The following HDAC4 variants were observed in gnomAD, a reference collection of about 807,000 sequenced individuals.
HDAC4 encodes the protein histone deacetylase 4.
A neutral mutation model predicts 135.1 loss-of-function variants in HDAC4; 16 were observed. The observed-to-expected ratio is 0.12, with a 90% CI of 0.08 to 0.18. The LOEUF is 0.18. Among genes scored for constraint, HDAC4 ranks in the 10% least tolerant of loss-of-function variants. HDAC4 has a pLI of 1.00. For synonymous variants in HDAC4, 685 were observed against 653.4 expected (o/e 1.05, Z -0.74); for missense variants, 1,143 against 1,511.8 (o/e 0.76, Z 4.05).
At chr2:239,096,666 C>A (rs1431956872) in intron 16 of HDAC4, among the ~76,000 whole-genome samples, 2 of 75,938 alleles carry the variant, frequency 2.6e-5, no homozygotes, top group Non-Finnish European at 5.1e-5. Flanking sequence ...GATGCCCACC[C>A]CCCCCATGGA....
Position 239,102,878 on chromosome 2 carries a change from C to A in HDAC4, c.2131G>T (p.Ala711Ser), listed in dbSNP as rs1173079707. 6.2e-7 allele frequency: 1 copy of A among 1,613,934 alleles called. No individual in the cohort carries two copies. Among genetic ancestry groups the A allele is most frequent in the Non-Finnish European group, 8.5e-7 (1 of 1,180,018 alleles). ...ACCGTCTGTAGCTCCTCCAGGGTGG[C>A]CTTGCGTCCGCGGATGCACTGTGGG... The part of the protein sequence containing the change: ...GKCECIRGRK[A>S]TLEELQTVHS... Residue 711 changes from alanine (A) to serine (S), a missense_variant, in exon 16 of 27, where the codon GCC becomes TCC. Physicochemically the swap from Ala to Ser is moderately conservative, Grantham distance 99. This residue lies in a region of HDAC4 where 47 missense variants were observed against 117.2 expected (regional missense o/e 0.40). Transcript: ENST00000543185.
chr2:239,070,620 A>G (rs1014061145), intron 22 of HDAC4, among the ~76,000 whole-genome samples: 8 of 152,230 alleles, frequency 5.3e-5, no homozygotes, highest in African/African-American at 1.9e-4. Context: ...GGGGAGCAGA[A>G]TCAGGGCCTC....
chr2:239,392,894 T>A (rs1194858691), intron 1 of HDAC4, among the ~76,000 whole-genome samples: 1 of 152,216 alleles, frequency 6.6e-6, no homozygotes, highest in Non-Finnish European at 1.5e-5. Context: ...AGACCCGGAA[T>A]TCTGGTGTGT....
intron 3 of HDAC4, among the ~76,000 whole-genome samples, chr2:239,205,349 C>T (rs535409296): frequency 6.6e-6 from 1 of 152,064 alleles, no homozygotes; most frequent in African/African-American, 2.4e-5. Flanking sequence ...GTTCAGAAGA[C>T]CCCGCAATAT....
intron 3 of HDAC4, among the ~76,000 whole-genome samples, chr2:239,212,406 G>T (rs769896303): frequency 6.6e-6 from 1 of 152,028 alleles, no homozygotes; most frequent in Non-Finnish European, 1.5e-5. Context: ...GAAGAAAAAA[G>T]GAAAAAAGAT....
chr2:239,056,291 A>G lies in HDAC4; in HGVS notation c.3004-1458T>C, dbSNP rs140644899. Among the ~76,000 whole-genome samples, 5 of 152,362 alleles carry G rather than the reference A, an allele frequency of 3.3e-5. No homozygotes were observed. In the East Asian group the frequency reaches 9.6e-4, roughly 29 times the overall value. ...GGAGGGATGATGAGCGAGGTTCCCA[A>G]TCCCATTCTCCAATGAAGGGAAGCA... On this transcript the variant is annotated intron_variant, in intron 24 of 26. Transcript: ENST00000543185.
chr2:239,377,865 C>G (rs1695132165), intron 1 of HDAC4, among the ~76,000 whole-genome samples: 1 of 152,172 alleles, frequency 6.6e-6, no homozygotes, highest in Non-Finnish European at 1.5e-5. Context: ...CTGCCGCCAC[C>G]TTCTGCTGGG....
intron 5 of HDAC4, among the ~76,000 whole-genome samples, chr2:239,172,394 G>A (rs981035885): frequency 6.6e-6 from 1 of 151,324 alleles, no homozygotes; most frequent in African/African-American, 2.4e-5. Context: ...ATTGTACAAT[G>A]ATAGATTTAA....
At chr2:239,393,489 C>T (rs983617139) in intron 1 of HDAC4, among the ~76,000 whole-genome samples, 4 of 152,206 alleles carry the variant, frequency 2.6e-5, no homozygotes, top group Non-Finnish European at 4.4e-5. Flanking sequence ...CACTGGCTCA[C>T]GCACTCTGGC....
intron 11 of HDAC4, among the ~76,000 whole-genome samples, chr2:239,130,643 T>C (rs976775777): frequency 6.6e-6 from 1 of 152,166 alleles, no homozygotes; most frequent in Non-Finnish European, 1.5e-5. Context: ...CCTCCACCTG[T>C]GCCCTTCCCT....
At chr2:239,366,988 T>C (rs1207132171) in intron 1 of HDAC4, among the ~76,000 whole-genome samples, 1 of 137,038 alleles carries the variant, frequency 7.3e-6, no homozygotes, top group Non-Finnish European at 1.5e-5. Context: ...ACCAACAACA[T>C]GCCTGAAAGC....
chr2:239,373,622 C>G (rs1448330723), intron 1 of HDAC4, among the ~76,000 whole-genome samples: 1 of 152,128 alleles, frequency 6.6e-6, no homozygotes, highest in Admixed American at 6.5e-5. Flanking sequence ...CACCACCACG[C>G]CCAGCTAATT....
intron 2 of HDAC4, among the ~76,000 whole-genome samples, chr2:239,274,524 T>C (rs1241248549): frequency 6.6e-6 from 1 of 152,216 alleles, no homozygotes; most frequent in African/African-American, 2.4e-5. Context: ...ACTAGGAAAC[T>C]AGGACAACAG....
At chr2:239,153,276 A>G (rs1314428917) in intron 7 of HDAC4, among the ~76,000 whole-genome samples, 1 of 152,258 alleles carries the variant, frequency 6.6e-6, no homozygotes, top group African/African-American at 2.4e-5. Context: ...AGGTCATACA[A>G]TTGCCCTTTA....
At chr2:239,280,023 C>T (rs2050614180) in intron 2 of HDAC4, among the ~76,000 whole-genome samples, 1 of 152,158 alleles carries the variant, frequency 6.6e-6, no homozygotes, top group African/African-American at 2.4e-5. Flanking sequence ...AAGAGGACAG[C>T]ACCCCCCAAC....
At chr2:239,195,260 C>T (rs143991311) in intron 3 of HDAC4, among the ~76,000 whole-genome samples, 13 of 152,362 alleles carry the variant, frequency 8.5e-5, no homozygotes, top group African/African-American at 3.1e-4. Flanking sequence ...AAGAGCAGAG[C>T]AGAGAAAATC....
intron 11 of HDAC4, among the ~76,000 whole-genome samples, chr2:239,133,015 C>A (rs150280769): frequency 6.6e-6 from 1 of 152,206 alleles, no homozygotes; most frequent in South Asian, 2.1e-4. Context: ...AGGGCTGCCC[C>A]CTCCCTCGTT....
rs574715708 is a variant in HDAC4 at position 239,316,838 on chromosome 2, C to T, written c.22+35840G>A. ...CAGGGGACAGCAGGGGTAGGGGACCCGCTTCTCTGAGTCTGGCTGCTACAC... is the reference window on the plus strand; with the variant it reads ...CAGGGGACAGCAGGGGTAGGGGACCTGCTTCTCTGAGTCTGGCTGCTACAC... On this transcript the variant is annotated intron_variant, in intron 2 of 26. Coordinates refer to ENST00000543185, the MANE Select transcript of HDAC4 (RefSeq NM_001378414.1). 6.6e-5 allele frequency among the ~76,000 whole-genome samples: 10 copies of T among 152,250 alleles called. No individual in the cohort carries two copies. In the East Asian group the frequency reaches 9.6e-4, roughly 15 times the overall value.
Position 239,126,618 on chromosome 2 carries a change from G to A in HDAC4, c.1371C>T (p.Ser457=), listed in dbSNP as rs764861370. 55 of 1,613,902 alleles carry A rather than the reference G, an allele frequency of 3.4e-5. No homozygotes were observed. The highest frequency in any genetic ancestry group is 2.2e-5 in the Non-Finnish European group (26 of 1,179,998). ...SLVGADRVSP[S]IHKLRQHRPL... The stretch of plus-strand genomic sequence containing the variant: ...GGCGGTGCTGCCGCAGCTTGTGGAT[G>A]GAGGGGGACACCCGGTCTGCACCAA... Residue 457 remains serine (S), a synonymous_variant, in exon 12 of 27, where the codon TCC becomes TCT. Coordinates refer to ENST00000543185, the MANE Select transcript of HDAC4 (RefSeq NM_001378414.1).
Sources: allele counts gnomAD v4.1 joint callset (sites outside exome capture counted in the v4.1 genomes callset), GRCh38; gene constraint gnomAD v4.1.1; regional missense constraint gnomAD v4.1.1; transcripts MANE v1.5; gene names NCBI Gene and HGNC (gene_info 2026-07-23, HGNC 2026-07-21).